Variants in KCNMA1 observed in about 807,000 individuals in gnomAD.
KCNMA1 encodes the protein potassium calcium-activated channel subfamily M alpha 1.
In KCNMA1, 29 loss-of-function variants were observed where a neutral mutation model predicts 140.0. That is an observed-to-expected ratio of 0.21 (90% CI 0.15 to 0.28). The LOEUF is 0.28. KCNMA1 is among the 10% of genes least tolerant of loss of function. The pLI is 1.00. For missense variants in KCNMA1, 880 were observed against 1,602.2 expected (o/e 0.55, Z 7.70); for synonymous variants, 612 against 611.9 (o/e 1.00, Z 0.00).
rs1257245811 is a variant in KCNMA1 at position 77,191,139 on chromosome 10, T to G, written c.603-6223A>C. Among the ~76,000 whole-genome samples the G allele has an allele frequency of 2.0e-5, 3 of 152,140 alleles. No homozygotes were observed. In the East Asian group the frequency reaches 5.8e-4, roughly 29 times the overall value. On this transcript the variant is annotated intron_variant, in intron 3 of 27. Coordinates refer to ENST00000286628, the MANE Select transcript of KCNMA1 (RefSeq NM_001161352.2). ...CTACCTCTGGATATCCTGGATAAAC[T>G]GCCTACACTGGAATAAAAGCATCTA...
chr10:77,240,396 G>A (rs374378727), intron 3 of KCNMA1, among the ~76,000 whole-genome samples: 2 of 152,072 alleles, frequency 1.3e-5, no homozygotes, highest in East Asian at 1.9e-4. Flanking sequence ...CAAACGACCC[G>A]GGGCACCCTG....
At chr10:77,326,538 G>C (rs1184666492) in intron 2 of KCNMA1, among the ~76,000 whole-genome samples, 1 of 152,028 alleles carries the variant, frequency 6.6e-6, no homozygotes, top group East Asian at 1.9e-4. Flanking sequence ...GGTGGTGGTG[G>C]TGACAGTGAT....
intron 8 of KCNMA1, among the ~76,000 whole-genome samples, chr10:77,109,871 T>C (rs1397026937): frequency 2.0e-5 from 3 of 152,190 alleles, no homozygotes; most frequent in Non-Finnish European, 4.4e-5. Flanking sequence ...TGAGTTACAT[T>C]GCTAAGGGGT....
At chr10:77,471,781 T>A (rs1412004240) in intron 1 of KCNMA1, among the ~76,000 whole-genome samples, 1 of 149,944 alleles carries the variant, frequency 6.7e-6, no homozygotes, top group Non-Finnish European at 1.5e-5. Context: ...ACCACACATA[T>A]ACACACACCC....
intron 1 of KCNMA1, among the ~76,000 whole-genome samples, chr10:77,489,343 TA>T (rs1252964561): frequency 9.2e-5 from 14 of 151,972 alleles, no homozygotes; most frequent in African/African-American, 3.4e-4. Flanking sequence ...ATTATTTATT[TA>T]TTTTTTTTGA....
chr10:76,994,645 T>C (rs990407207), intron 19 of KCNMA1, among the ~76,000 whole-genome samples: 4 of 152,246 alleles, frequency 2.6e-5, no homozygotes, highest in Admixed American at 1.3e-4. Context: ...TGCCTCCCTC[T>C]GTCTCTCCTC....
chr10:77,609,436 G>A (rs2085908889), intron 1 of KCNMA1, among the ~76,000 whole-genome samples: 2 of 152,188 alleles, frequency 1.3e-5, no homozygotes. Context: ...GGTTACCAGG[G>A]GCTGGGATGG....
chr10:77,461,223 T>G lies in KCNMA1; in HGVS notation c.379-57200A>C, dbSNP rs533118875. On this transcript the variant is annotated intron_variant, in intron 1 of 27. Transcript: ENST00000286628. ...CCATGTAACAAAACCGCACTTGTAC[T>G]CCCTCTTTTTTTTTTTTCAAAAAAG... Among the ~76,000 whole-genome samples the G allele has an allele frequency of 1.5e-4, 10 of 65,182 alleles. No individual in the cohort carries two copies. The South Asian group carries it at 4.5e-3, about 29-fold the overall frequency. The allele number at this position is 65,182 out of a possible 152,430, so 42.8% of individuals were successfully genotyped here.
chr10:77,552,818 GCAGGCCGATCACTTGAGGC>G (rs1308817347), intron 1 of KCNMA1, among the ~76,000 whole-genome samples: 2 of 152,192 alleles, frequency 1.3e-5, no homozygotes, highest in African/African-American at 4.8e-5. Flanking sequence ...GGAGGCTGAG[GCAGGCCGATCACTTGAGGC>G]CAGGAGTTGA....
chr10:77,204,510 G>A (rs190965558), intron 3 of KCNMA1, among the ~76,000 whole-genome samples: 1 of 152,118 alleles, frequency 6.6e-6, no homozygotes, highest in African/African-American at 2.4e-5. Context: ...TTCTATGAGG[G>A]TTATCTTCTA....
chr10:77,606,938 C>T (rs565895212), intron 1 of KCNMA1, among the ~76,000 whole-genome samples: 32 of 152,296 alleles, frequency 2.1e-4, no homozygotes, highest in Middle Eastern at 3.4e-3. Context: ...TTGGTAGTGG[C>T]CTTACTGTAC....
At chr10:76,951,250 G>T (rs879748292) in intron 21 of KCNMA1, among the ~76,000 whole-genome samples, 1 of 152,148 alleles carries the variant, frequency 6.6e-6, no homozygotes, top group East Asian at 1.9e-4. Flanking sequence ...ACATCACCCA[G>T]AGAACCTTAT....
intron 1 of KCNMA1, among the ~76,000 whole-genome samples, chr10:77,572,873 T>C (rs758845987): frequency 2.3e-4 from 35 of 152,102 alleles, no homozygotes; most frequent in Admixed American, 4.6e-4. Flanking sequence ...TTTCGGGTTT[T>C]AGGAAATTAT....
chr10:77,582,705 G>A (rs1424406620), intron 1 of KCNMA1, among the ~76,000 whole-genome samples: 1 of 152,228 alleles, frequency 6.6e-6, no homozygotes, highest in Non-Finnish European at 1.5e-5. Flanking sequence ...GGAAGTGCCT[G>A]CTTCTCCAGG....
rs201310779 is a variant in KCNMA1 at position 77,509,077 on chromosome 10, TTTG to T, written c.379-105057_379-105055del. ...TGATTCTACCTCTTGGTTACTGTTT[TTTG>T]TTGTTGTCATTTTGTTGGGTTTTGT... On this transcript the variant is annotated intron_variant, in intron 1 of 27. Coordinates refer to ENST00000286628, the MANE Select transcript of KCNMA1 (RefSeq NM_001161352.2). Among the ~76,000 whole-genome samples, 274 of 150,604 alleles carry T rather than the reference TTTG, an allele frequency of 1.8e-3. 8 individuals are homozygous for T. The East Asian group carries it at 0.05, about 28-fold the overall frequency.
intron 13 of KCNMA1, chr10:77,078,121 G>T (rs2096455601): frequency 6.6e-6 from 1 of 152,246 alleles, no homozygotes; most frequent in Non-Finnish European, 1.5e-5. Context: ...GGTGCATTTG[G>T]CAGAATGGGG....
chr10:77,311,684 C>T (rs1005101389), intron 2 of KCNMA1, among the ~76,000 whole-genome samples: 3 of 152,186 alleles, frequency 2.0e-5, no homozygotes, highest in African/African-American at 7.2e-5. Flanking sequence ...GCTCTGATGT[C>T]CCAGAATCCA....
intron 1 of KCNMA1, among the ~76,000 whole-genome samples, chr10:77,472,631 C>G (rs1296063683): frequency 2.0e-5 from 3 of 152,208 alleles, no homozygotes; most frequent in Non-Finnish European, 4.4e-5. Context: ...ATGATAGCTC[C>G]TATAAAACAT....
At chr10:77,103,172 A>G (rs2097135328) in intron 9 of KCNMA1, among the ~76,000 whole-genome samples, 1 of 152,238 alleles carries the variant, frequency 6.6e-6, no homozygotes, top group South Asian at 2.1e-4. Context: ...TTTACAATAA[A>G]GAAGATAATT....
Sources: allele counts gnomAD v4.1 joint callset (sites outside exome capture counted in the v4.1 genomes callset), GRCh38; gene constraint gnomAD v4.1.1; transcripts MANE v1.5; gene names NCBI Gene and HGNC (gene_info 2026-07-23, HGNC 2026-07-21).